The following CNTNAP4 variants were observed in gnomAD, a reference collection of about 807,000 sequenced individuals.
CNTNAP4 encodes contactin associated protein family member 4, also known as contactin-associated protein-like 4.
CNTNAP4 carries 98 observed loss-of-function variants against 148.4 expected under a neutral mutation model. The ratio of observed to expected loss-of-function variants is 0.66; its 90% CI spans 0.56 to 0.78. The LOEUF (loss-of-function observed/expected upper bound fraction) is 0.78, where lower values mean the gene tolerates loss of function less well. Ranked by LOEUF, CNTNAP4 falls within the 30% of genes least tolerant of loss-of-function variation. The pLI is 0.00. For missense variants in CNTNAP4, 1,935 were observed against 1,565.6 expected, an observed-to-expected ratio of 1.24 and a Z score of -3.98; for synonymous variants, 730 against 565.1, an observed-to-expected ratio of 1.29 and a Z score of -4.14.
At chr16:76,508,803 A>G (rs1199400788) in intron 15 of CNTNAP4, among the ~76,000 whole-genome samples, 2 of 81,354 alleles carry the variant, frequency 2.5e-5, no homozygotes, top group African/African-American at 5.8e-5. Context: ...CCCAGGCTGG[A>G]GTGCAGTGGC....
intron 3 of CNTNAP4, among the ~76,000 whole-genome samples, chr16:76,357,026 AG>A (rs1331726759): frequency 6.7e-6 from 1 of 150,108 alleles, no homozygotes; most frequent in Non-Finnish European, 1.5e-5. Flanking sequence ...AAGCTGTAAG[AG>A]GAAAAAAAAA....
At chr16:76,463,886 T>C (rs2081077498) in intron 9 of CNTNAP4, among the ~76,000 whole-genome samples, 1 of 152,188 alleles carries the variant, frequency 6.6e-6, no homozygotes, top group African/African-American at 2.4e-5. Flanking sequence ...CACAGTAAAA[T>C]TCCAACTTCA....
intron 14 of CNTNAP4, among the ~76,000 whole-genome samples, chr16:76,497,143 G>T (rs1025377263): frequency 3.3e-5 from 5 of 152,098 alleles, no homozygotes; most frequent in Non-Finnish European, 5.9e-5. Context: ...AAATATAAAA[G>T]CCAGTGTTTA....
intron 17 of CNTNAP4, among the ~76,000 whole-genome samples, chr16:76,527,752 G>A (rs2083802445): frequency 6.6e-6 from 1 of 152,072 alleles, no homozygotes; most frequent in African/African-American, 2.4e-5. Flanking sequence ...TCACAAAAAA[G>A]TAACTATGTC....
chr16:76,533,931 A>G (rs930631870), intron 17 of CNTNAP4, among the ~76,000 whole-genome samples: 5 of 152,214 alleles, frequency 3.3e-5, no homozygotes, highest in African/African-American at 1.2e-4. Context: ...ACATTTAAAT[A>G]CAGCAATTTG....
At chr16:76,311,776 T>C (rs905017838) in intron 1 of CNTNAP4, among the ~76,000 whole-genome samples, 1 of 152,164 alleles carries the variant, frequency 6.6e-6, no homozygotes. Context: ...GGTTACTCGA[T>C]TACTAAATTT....
intron 13 of CNTNAP4, among the ~76,000 whole-genome samples, chr16:76,493,497 A>T (rs200350796): frequency 7.3e-6 from 1 of 137,558 alleles, no homozygotes; most frequent in South Asian, 2.4e-4. Context: ...TATTTTTTTT[A>T]AAGTCTTGGA....
Position 76,452,723 on chromosome 16 carries a change from G to C in CNTNAP4, c.1287G>C (p.Lys429Asn), listed in dbSNP as rs374126037. Residue 429 changes from lysine to asparagine, a missense_variant, in exon 8 of 24, where the codon AAG becomes AAC. Coordinates refer to ENST00000611870, the MANE Select transcript of CNTNAP4 (RefSeq NM_033401.5). ...ILLFLSDGKL[K>N]SNLYQPGKLP... ...TCTTTCTGAGTGATGGAAAACTTAA[G>C]TCGAATCTCTACCAGCCAGGAAAAT... The C allele has an allele frequency of 2.9e-5, 46 of 1,609,698 alleles. No individual in the cohort carries two copies. Among genetic ancestry groups the C allele is most frequent in the Non-Finnish European group, 3.7e-5 (44 of 1,177,542 alleles).
rs2085327084 is a variant in CNTNAP4 at position 76,559,303 on chromosome 16, A to G, written c.*620A>G. The stretch of plus-strand genomic sequence containing the variant: ...ATTTGTCTCTTCTTAATAATGTTGA[A>G]TACATTTGGTTTTGAGTCTCAGACT... On this transcript the variant is annotated 3_prime_UTR_variant, in exon 24 of 24. Transcript: ENST00000611870. The G allele has an allele frequency of 1.3e-5, 2 of 152,136 alleles. No individual in the cohort carries two copies. The highest frequency in any genetic ancestry group is 4.1e-4 in the South Asian group (2 of 4,828). 9.4% of individuals were successfully genotyped at this position (152,136 alleles called of 1,614,324 possible).
chr16:76,441,072 G>A (rs1235400335), intron 4 of CNTNAP4, among the ~76,000 whole-genome samples: 1 of 152,098 alleles, frequency 6.6e-6, no homozygotes, highest in Non-Finnish European at 1.5e-5. Flanking sequence ...AGAGGCTACA[G>A]CGGATCAACT....
intron 1 of CNTNAP4, among the ~76,000 whole-genome samples, chr16:76,292,686 T>C (rs1344805640): frequency 1.3e-5 from 2 of 151,572 alleles, no homozygotes; most frequent in Non-Finnish European, 2.9e-5. Context: ...CATAGAGTTT[T>C]CTGTCTTCCT....
chr16:76,390,378 G>C (rs1010674757), intron 3 of CNTNAP4, among the ~76,000 whole-genome samples: 1 of 152,140 alleles, frequency 6.6e-6, no homozygotes, highest in Non-Finnish European at 1.5e-5. Context: ...GCCTGTGTGA[G>C]CTGGGCTATA....
chr16:76,492,159 T>C (rs1250873656), intron 13 of CNTNAP4, among the ~76,000 whole-genome samples: 2 of 152,152 alleles, frequency 1.3e-5, no homozygotes, highest in Non-Finnish European at 2.9e-5. Flanking sequence ...AGTTGTAAGA[T>C]GAATATATTC....
chr16:76,286,956 A>G (rs576587255), intron 1 of CNTNAP4, among the ~76,000 whole-genome samples: 4 of 152,320 alleles, frequency 2.6e-5, no homozygotes, highest in South Asian at 2.1e-4. Flanking sequence ...AAGCTGCTCA[A>G]TTAGGCTCTT....
intron 15 of CNTNAP4, among the ~76,000 whole-genome samples, chr16:76,512,868 C>G (rs188285005): frequency 5.4e-4 from 82 of 152,284 alleles, no homozygotes; most frequent in African/African-American, 1.9e-3. Context: ...GAGCAATCAA[C>G]TGTGTTAAAT....
At chr16:76,299,854 A>T (rs917259318) in intron 1 of CNTNAP4, among the ~76,000 whole-genome samples, 1 of 152,186 alleles carries the variant, frequency 6.6e-6, no homozygotes, top group Non-Finnish European at 1.5e-5. Flanking sequence ...AGGGACATGG[A>T]TGAAGCTGGA....
intron 3 of CNTNAP4, among the ~76,000 whole-genome samples, chr16:76,426,349 G>A (rs1049608260): frequency 6.6e-6 from 1 of 152,092 alleles, no homozygotes; most frequent in African/African-American, 2.4e-5. Flanking sequence ...GTCTACATGA[G>A]GTTGATCTTA....
intron 2 of CNTNAP4, among the ~76,000 whole-genome samples, chr16:76,329,196 A>G (rs891820059): frequency 3.9e-5 from 6 of 152,218 alleles, no homozygotes; most frequent in Non-Finnish European, 7.3e-5. Flanking sequence ...CAATGCAAAA[A>G]TTAATATGGA....
At chr16:76,423,402 G>A (rs1001434624) in intron 3 of CNTNAP4, among the ~76,000 whole-genome samples, 3 of 152,088 alleles carry the variant, frequency 2.0e-5, no homozygotes, top group African/African-American at 7.2e-5. Context: ...ACAGGTGCAA[G>A]ATTCGTTTCT....
Sources: allele counts gnomAD v4.1 joint callset (sites outside exome capture counted in the v4.1 genomes callset), GRCh38; gene constraint gnomAD v4.1.1; transcripts MANE v1.5; gene names NCBI Gene and HGNC (gene_info 2026-07-23, HGNC 2026-07-21).